RYR2: variants seen among roughly 807,000 people sequenced by gnomAD.
The protein encoded by RYR2 is ryanodine receptor 2.
RYR2 carries 227 observed loss-of-function variants against 601.1 expected under a neutral mutation model. That is an observed-to-expected ratio of 0.38 (90% confidence interval 0.34 to 0.42). The LOEUF (loss-of-function observed/expected upper bound fraction) is 0.42. RYR2 is among the 10% of genes least tolerant of loss of function. The pLI, the probability that RYR2 is intolerant of heterozygous loss-of-function variation, is 1.00. For missense variants in RYR2, 4,646 were observed against 6,156.5 expected, an observed-to-expected ratio of 0.75 and a Z score of 8.21; for synonymous variants, 2,223 against 2,175.1, an observed-to-expected ratio of 1.02 and a Z score of -0.61.
In RYR2 at chr1:237,778,715, A is replaced by G; in HGVS notation, c.11825A>G (p.Asp3942Gly). ...QQSLAHSRLWDAVVGFLHVFA... is the reference protein window; with the variant it reads ...QQSLAHSRLWGAVVGFLHVFA... ...AGTTTGGCACACAGCAGGCTGTGGG[A>G]TGCTGTGGTCGGCTTTCTTCATGTG... The change falls in exon 88 of 105, where the codon GAT (aspartate) becomes GGT (glycine). Residue 3942 changes from aspartate (D) to glycine (G), a missense_variant. Physicochemically the swap from Asp to Gly is moderately conservative, Grantham distance 94. Coordinates refer to ENST00000366574, the MANE Select transcript of RYR2 (RefSeq NM_001035.3). The G allele has an allele frequency of 6.2e-7, 1 of 1,612,100 alleles. No homozygotes were observed. The highest frequency in any genetic ancestry group is 8.5e-7 in the Non-Finnish European group (1 of 1,178,312).
At position 237,778,645 on chromosome 1, in the gene RYR2, G is replaced by A. The variant is rs80013027; in HGVS notation, c.11776-21G>A. On this transcript the variant is annotated intron_variant, in intron 87 of 104. Coordinates refer to ENST00000366574, the MANE Select transcript of RYR2 (RefSeq NM_001035.3). ...AAATAAATTATGAGGAATAATTGCC[G>A]TTTGTCTGTTTATGCTCCAGGGTCC... is the stretch of plus-strand genomic sequence containing the variant. 0.047 allele frequency: 63,044 copies of A among 1,332,970 alleles called. 1,684 individuals carry two copies. Among genetic ancestry groups the A allele is most frequent in the East Asian group, 0.066 (2,826 of 42,532 alleles). 82.6% of individuals were successfully genotyped at this position (1,332,970 alleles called of 1,614,324 possible).
intron 17 of RYR2, among the ~76,000 whole-genome samples, chr1:237,484,066 G>A (rs533316993): frequency 1.3e-5 from 2 of 152,238 alleles, no homozygotes; most frequent in African/African-American, 4.8e-5. Flanking sequence ...TTAGCACTCA[G>A]CCGGAGTCTT....
chr1:237,783,524 T>C (rs944827728), intron 89 of RYR2, 151 bp from the exon 90 acceptor site: 3 of 582,294 alleles, frequency 5.2e-6, no homozygotes, highest in African/African-American at 3.7e-5. Context: ...TTTTAAACTA[T>C]AGTTTATAAA....
intron 1 of RYR2, among the ~76,000 whole-genome samples, chr1:237,245,528 C>A (rs74147210): frequency 6.6e-6 from 1 of 152,152 alleles, no homozygotes; most frequent in East Asian, 1.9e-4. Context: ...GAGGTTAGAG[C>A]TGTCAAAAAC....
intron 2 of RYR2, among the ~76,000 whole-genome samples, chr1:237,312,934 A>C (rs1415935300): frequency 1.3e-5 from 2 of 152,170 alleles, no homozygotes; most frequent in Non-Finnish European, 2.9e-5. Flanking sequence ...GAAGACCATT[A>C]AAACAAAACA....
chr1:237,788,084 G>A lies in RYR2; in HGVS notation c.13425G>A (p.Val4475=), dbSNP rs760691911. The A allele has an allele frequency of 6.2e-7, 1 of 1,612,168 alleles. No homozygotes were observed. Among genetic ancestry groups the A allele is most frequent in the African/African-American group, 1.3e-5 (1 of 74,872 alleles). The change falls in exon 92 of 105, where the codon GTG becomes GTA. Residue 4475 remains valine (V), a synonymous_variant. Transcript: ENST00000366574. ...LHTHRYGEPE[V]PESAFWKKII... is the part of the protein sequence containing the mutation. The stretch of plus-strand genomic sequence containing the variant: ...CACACAGATACGGAGAACCAGAAGT[G>A]CCAGAGTCAGCATTCTGGAAGAAAA...
intron 2 of RYR2, among the ~76,000 whole-genome samples, chr1:237,305,662 G>A (rs1451504161): frequency 6.6e-6 from 1 of 152,128 alleles, no homozygotes. Context: ...GAACTCCTGG[G>A]CTCAGGTGAT....
intron 7 of RYR2, among the ~76,000 whole-genome samples, chr1:237,376,410 A>T (rs1701037938): frequency 6.6e-6 from 1 of 152,184 alleles, no homozygotes; most frequent in Non-Finnish European, 1.5e-5. Flanking sequence ...AACAAAACAT[A>T]CCAAGTCCCA....
rs767633368 is a variant in RYR2, at chr1:237,181,944, C to A, written c.49-88553C>A. Among the ~76,000 whole-genome samples, 5 of 152,086 alleles carry A rather than the reference C, an allele frequency of 3.3e-5. No homozygotes were observed. The East Asian group carries it at 7.7e-4, about 23-fold the overall frequency. On this transcript the variant is annotated intron_variant, in intron 1 of 104. Transcript: ENST00000366574. ...AAGCAGTGACTCACCATTGCCAGAA[C>A]GAGTACGTGTTAAATTGAATTGCAG...
At chr1:237,271,237 G>T (rs1261874526) in intron 2 of RYR2, among the ~76,000 whole-genome samples, 1 of 152,104 alleles carries the variant, frequency 6.6e-6, no homozygotes, top group Non-Finnish European at 1.5e-5. Flanking sequence ...TCTTTGAAAT[G>T]AGCCCAGCAA....
chr1:237,184,877 G>GTTT (rs397974914), intron 1 of RYR2, among the ~76,000 whole-genome samples: 27,296 of 142,346 alleles, frequency 0.19, 4,264 homozygotes, highest in African/African-American at 0.44. Flanking sequence ...TGTGAAGAGG[G>GTTT]TTTTTTTTTT....
intron 2 of RYR2, among the ~76,000 whole-genome samples, chr1:237,285,944 C>G (rs1691514156): frequency 6.6e-6 from 1 of 152,094 alleles, no homozygotes; most frequent in Non-Finnish European, 1.5e-5. Context: ...TGCCAATGGT[C>G]TATCAATTTT....
At chr1:237,137,203 C>T (rs1672890268) in intron 1 of RYR2, among the ~76,000 whole-genome samples, 1 of 151,906 alleles carries the variant, frequency 6.6e-6, no homozygotes, top group South Asian at 2.1e-4. Flanking sequence ...AATTTCAGTC[C>T]CCTTAAGGAA....
intron 1 of RYR2, among the ~76,000 whole-genome samples, chr1:237,241,418 C>T (rs2149235149): frequency 6.6e-6 from 1 of 152,238 alleles, no homozygotes; most frequent in South Asian, 2.1e-4. Context: ...TTGTTGGTCA[C>T]TATATTTAAA....
At chr1:237,256,178 A>G (rs1687953464) in intron 1 of RYR2, among the ~76,000 whole-genome samples, 2 of 152,142 alleles carry the variant, frequency 1.3e-5, no homozygotes, top group Admixed American at 1.3e-4. Flanking sequence ...ATGATTTTAT[A>G]AGGGGAAACC....
chr1:237,337,743 A>G (rs1036229991), intron 3 of RYR2, among the ~76,000 whole-genome samples: 3 of 152,140 alleles, frequency 2.0e-5, no homozygotes, highest in Non-Finnish European at 2.9e-5. Context: ...CCTTCTGAAG[A>G]AAATAACTAT....
intron 1 of RYR2, among the ~76,000 whole-genome samples, chr1:237,058,123 T>C (rs936767526): frequency 3.9e-5 from 6 of 152,150 alleles, no homozygotes; most frequent in Non-Finnish European, 7.3e-5. Context: ...TTCTCATAGC[T>C]GTTAACTCAA....
At chr1:237,491,620 T>C (rs1354239491) in intron 17 of RYR2, among the ~76,000 whole-genome samples, 186 bp from the exon 18 acceptor site, 2 of 152,196 alleles carry the variant, frequency 1.3e-5, no homozygotes, top group Admixed American at 6.5e-5. Flanking sequence ...GATGTCTTCA[T>C]CTTTGGATAT....
intron 1 of RYR2, among the ~76,000 whole-genome samples, chr1:237,267,825 T>C (rs1445487961): frequency 6.6e-6 from 1 of 152,204 alleles, no homozygotes; most frequent in Non-Finnish European, 1.5e-5. Context: ...CAGACTGAAT[T>C]ATCTGAATCT....
Sources: allele counts gnomAD v4.1 joint callset (sites outside exome capture counted in the v4.1 genomes callset), GRCh38; gene constraint gnomAD v4.1.1; transcripts MANE v1.5; gene names NCBI Gene and HGNC (gene_info 2026-07-23, HGNC 2026-07-21).